ALG9: variants seen among roughly 807,000 people sequenced by gnomAD.
The protein encoded by ALG9 is alpha-1,2-mannosyltransferase ALG9.
In ALG9, 55 loss-of-function variants were observed where a neutral mutation model predicts 81.8. The ratio of observed to expected loss-of-function variants is 0.67; its 90% CI spans 0.54 to 0.84. The LOEUF is 0.84. ALG9 is among the 40% of genes least tolerant of loss of function. The pLI, the probability that ALG9 is intolerant of heterozygous loss-of-function variation, is 0.00. For missense variants in ALG9, 629 were observed against 745.0 expected (o/e 0.84, Z 1.81); for synonymous variants, 278 against 274.3 (o/e 1.01, Z -0.13).
At chr11:111,820,989 G>A (rs781828788) in intron 13 of ALG9, among the ~76,000 whole-genome samples, 3 of 151,746 alleles carry the variant, frequency 2.0e-5, no homozygotes, top group Non-Finnish European at 4.4e-5. Flanking sequence ...CTCATTACTC[G>A]GGAGGCTGAG....
intron 5 of ALG9, among the ~76,000 whole-genome samples, chr11:111,859,575 C>A (rs1028612771): frequency 6.6e-6 from 1 of 151,644 alleles, no homozygotes; most frequent in Admixed American, 6.6e-5. Context: ...TGAGGTACAC[C>A]CTTTACCAAT....
chr11:111,857,789 A>G, intron 5 of ALG9, 52 bp from the exon 6 acceptor site: 1 of 1,606,716 alleles, frequency 6.2e-7, no homozygotes, highest in Non-Finnish European at 8.5e-7. Flanking sequence ...CTCGAGGTTA[A>G]TTAGGTATCA....
chr11:111,841,623 C>T (rs1370100568), intron 9 of ALG9, among the ~76,000 whole-genome samples: 1 of 152,186 alleles, frequency 6.6e-6, no homozygotes, highest in African/African-American at 2.4e-5. Context: ...AACGCAAATG[C>T]GGGCAAATGG....
chr11:111,807,315 C>A (rs1950067776), intron 14 of ALG9, among the ~76,000 whole-genome samples: 1 of 152,154 alleles, frequency 6.6e-6, no homozygotes, highest in Non-Finnish European at 1.5e-5. Context: ...TTGCTCAGCT[C>A]CAGCCTCACT....
At chr11:111,859,264 G>C (rs1460728812) in intron 5 of ALG9, among the ~76,000 whole-genome samples, 4 of 152,156 alleles carry the variant, frequency 2.6e-5, no homozygotes, top group African/African-American at 9.7e-5. Flanking sequence ...AGCACTTTGG[G>C]AGACTGAGGC....
intron 8 of ALG9, 120 bp from the exon 9 acceptor site, chr11:111,844,843 G>C: frequency 8.9e-7 from 1 of 1,123,134 alleles, no homozygotes; most frequent in Non-Finnish European, 1.3e-6. Context: ...ATGGGAATGA[G>C]AGTGCACAGC....
At chr11:111,843,961 A>G (rs1956590046) in intron 9 of ALG9, among the ~76,000 whole-genome samples, 1 of 152,208 alleles carries the variant, frequency 6.6e-6, no homozygotes, top group South Asian at 2.1e-4. Context: ...TCAGGTTAAT[A>G]TACACTTCTT....
chr11:111,774,167 G>A, the ALG9 span, among the ~76,000 whole-genome samples: 40 of 151,084 alleles, frequency 2.6e-4, no homozygotes, highest in Admixed American at 9.2e-4. Flanking sequence ...ACCTAAGGTC[G>A]GGAGTTTGAG....
chr11:111,864,206 G>T, intron 4 of ALG9: 1 of 673,886 alleles, frequency 1.5e-6, no homozygotes, highest in South Asian at 1.6e-5. Context: ...AGGCCCCGCT[G>T]ACCCACGACC....
the ALG9 span, among the ~76,000 whole-genome samples, chr11:111,769,986 C>T: frequency 6.6e-6 from 1 of 152,110 alleles, no homozygotes; most frequent in Non-Finnish European, 1.5e-5. Flanking sequence ...ACCTTCCACC[C>T]CCTAACACCC....
intron 10 of ALG9, among the ~76,000 whole-genome samples, chr11:111,839,174 T>C (rs1046472297): frequency 2.0e-5 from 3 of 152,176 alleles, no homozygotes; most frequent in African/African-American, 7.2e-5. Context: ...TTACATTATA[T>C]AAAGTCAAGT....
At chr11:111,869,888 T>C (rs1459310393) in intron 2 of ALG9, among the ~76,000 whole-genome samples, 1 of 151,798 alleles carries the variant, frequency 6.6e-6, no homozygotes, top group Non-Finnish European at 1.5e-5. Flanking sequence ...CTCGGCTCAC[T>C]GTAAACTCTG....
chr11:111,837,711 G>C, intron 11 of ALG9, 96 bp from the exon 12 acceptor site: 1 of 1,420,348 alleles, frequency 7.0e-7, no homozygotes, highest in East Asian at 2.4e-5. Flanking sequence ...TAAGCCACAG[G>C]AAATTTAAAA....
chr11:111,837,340 C>A, intron 12 of ALG9, 128 bp downstream of exon 12: 1 of 1,107,536 alleles, frequency 9.0e-7, no homozygotes, highest in Non-Finnish European at 1.3e-6. Flanking sequence ...CACAGCTCTC[C>A]GACGTGGTAG....
At chr11:111,817,808 G>A (rs1244178187) in intron 13 of ALG9, among the ~76,000 whole-genome samples, 1 of 125,362 alleles carries the variant, frequency 8.0e-6, no homozygotes, top group Non-Finnish European at 1.7e-5. Flanking sequence ...GACAGATTTT[G>A]CTCTGTCGCC....
chr11:111,816,297 A>G (rs530408152), intron 13 of ALG9, among the ~76,000 whole-genome samples: 28 of 152,346 alleles, frequency 1.8e-4, no homozygotes, highest in African/African-American at 6.3e-4. Context: ...AAAATTACAT[A>G]TAAGTCATAA....
intron 13 of ALG9, among the ~76,000 whole-genome samples, chr11:111,819,177 A>G (rs1429223401): frequency 6.6e-6 from 1 of 152,250 alleles, no homozygotes; most frequent in East Asian, 1.9e-4. Flanking sequence ...GGGGACAAGG[A>G]AAGAACTAAT....
intron 8 of ALG9, among the ~76,000 whole-genome samples, chr11:111,847,620 T>C (rs947694350): frequency 7.9e-5 from 12 of 152,206 alleles, no homozygotes; most frequent in African/African-American, 2.9e-4. Context: ...GACCAATCAC[T>C]TTCTTTTCTG....
intron 14 of ALG9, among the ~76,000 whole-genome samples, chr11:111,799,029 C>T (rs190766506): frequency 1.3e-5 from 2 of 152,352 alleles, no homozygotes; most frequent in East Asian, 1.9e-4. Context: ...TTTCAACAGG[C>T]TTCTTCATAC....
Sources: allele counts gnomAD v4.1 joint callset (sites outside exome capture counted in the v4.1 genomes callset), GRCh38; gene constraint gnomAD v4.1.1; transcripts MANE v1.5; gene names NCBI Gene and HGNC (gene_info 2026-07-23, HGNC 2026-07-21).